The following COL11A2 variants were observed in gnomAD, a reference collection of about 807,000 sequenced individuals.
COL11A2 encodes the protein collagen alpha-2(XI) chain.
In COL11A2, 116 loss-of-function variants were observed where a neutral mutation model predicts 273.4. That is an observed-to-expected ratio of 0.42 (90% CI 0.36 to 0.49). COL11A2 has a LOEUF of 0.49. Among genes scored for constraint, COL11A2 ranks in the 20% least tolerant of loss-of-function variants. The pLI is 0.00. For synonymous variants in COL11A2, 782 were observed against 864.2 expected (o/e 0.90, Z 1.67); for missense variants, 1,866 against 2,309.0 (o/e 0.81, Z 3.93).
chr6:33,189,475 A>G lies in COL11A2; in HGVS notation c.83-6T>C. On this transcript the variant is annotated splice_polypyrimidine_tract_variant and splice_region_variant and intron_variant, in intron 1 of 65. Coordinates refer to ENST00000341947, the MANE Select transcript of COL11A2 (RefSeq NM_080680.3). The surrounding 1 kb of genome is among the most constrained non-coding windows in gnomAD (Gnocchi z 5.6). ...CACATCCACAGGGGGTGCACCTGGG[A>G]GAGTCCATGATTATCAGGAGAAGGG... 6.2e-7 allele frequency: 1 copy of G among 1,613,018 alleles called. No homozygotes were observed. The highest frequency in any genetic ancestry group is 1.1e-5 in the South Asian group (1 of 91,084).
chr6:33,170,298 T>C lies in COL11A2; in HGVS notation c.3582+28A>G. ...AGGCAGAAGACCAGACACATTGGTC[T>C]CAAGGGACAGGGGCTGAGATGACTC... On this transcript the variant is annotated intron_variant, in intron 48 of 65. Coordinates refer to ENST00000341947, the MANE Select transcript of COL11A2 (RefSeq NM_080680.3). This position sits in a 1 kb window ranked among gnomAD's most constrained non-coding sequence, Gnocchi z 4.3. 6.2e-7 allele frequency: 1 copy of C among 1,611,828 alleles called. No homozygotes were observed. The highest frequency in any genetic ancestry group is 8.5e-7 in the Non-Finnish European group (1 of 1,179,038).
chr6:33,182,295 T>C (rs1421193845), intron 8 of COL11A2, among the ~76,000 whole-genome samples: 1 of 152,182 alleles, frequency 6.6e-6, no homozygotes, highest in Non-Finnish European at 1.5e-5. Context: ...AAGAATCTGA[T>C]GAAAGCTGTG....
At chr6:33,171,691 T>C (rs1770088955) in intron 42 of COL11A2, 22 bp downstream of exon 42, 1 of 1,544,920 alleles carries the variant, frequency 6.5e-7, no homozygotes. Flanking sequence ...CCAGTACCCC[T>C]CCCCAATACC....
Position 33,171,807 on chromosome 6 carries a change from T to A in COL11A2, c.3056A>T (p.Glu1019Val). 6.2e-7 allele frequency: 1 copy of A among 1,612,772 alleles called. No homozygotes were observed. The highest frequency in any genetic ancestry group is 8.5e-7 in the Non-Finnish European group (1 of 1,179,928). ...GPPGPAGSPG[E>V]RGAAGSGGPI... The stretch of plus-strand genomic sequence containing the variant: ...TCCCCCTGATCCTGCTGCACCTCGT[T>A]CCCCAGGGGAGCCCTGAGAAAGCAG... The change falls in exon 42 of 66, where the codon GAA becomes GTA. Residue 1019 changes from glutamate (E) to valine (V), a missense_variant. Glu to Val is a moderately radical substitution (Grantham distance 121). Coordinates refer to ENST00000341947, the MANE Select transcript of COL11A2 (RefSeq NM_080680.3).
chr6:33,180,871 G>C (rs2855417), intron 10 of COL11A2, 93 bp downstream of exon 10: 3 of 1,570,292 alleles, frequency 1.9e-6, no homozygotes, highest in Non-Finnish European at 2.6e-6. Context: ...GAGTTCTGAG[G>C]AGGAGGCCTG....
intron 41 of COL11A2, 78 bp from the exon 42 acceptor site, chr6:33,171,898 C>T (rs1402675319): frequency 8.3e-6 from 13 of 1,560,210 alleles, no homozygotes; most frequent in Non-Finnish European, 1.1e-5. Flanking sequence ...CCACAATTCC[C>T]AAAAGCTCCC....
Position 33,166,821 on chromosome 6 carries a change from G to C in COL11A2, c.4237C>G (p.Pro1413Ala). Reference protein sequence around the residue: ...DAGAKGEKGHPGLIGLIGPPG... With the variant: ...DAGAKGEKGHAGLIGLIGPPG... ...GGCCCAATCAGTCCAATGAGACCTG[G>C]GTGGCCCTAGAGAAGGGTGCAGGCA... is the stretch of plus-strand genomic sequence containing the variant. The change falls in exon 59 of 66, where the codon CCA becomes GCA. Residue 1413 changes from proline to alanine, a missense_variant. Coordinates refer to ENST00000341947, the MANE Select transcript of COL11A2 (RefSeq NM_080680.3). The surrounding 1 kb of genome is among the most constrained non-coding windows in gnomAD (Gnocchi z 4.8). The C allele has an allele frequency of 6.2e-7, 1 of 1,613,422 alleles. No homozygotes were observed. The highest frequency in any genetic ancestry group is 8.5e-7 in the Non-Finnish European group (1 of 1,179,992).
At position 33,169,030 on chromosome 6, in the gene COL11A2, A is replaced by T; in HGVS notation, c.3799-22T>A. 6.3e-7 allele frequency: 1 copy of T among 1,599,112 alleles called. No homozygotes were observed. The highest frequency in any genetic ancestry group is 8.5e-7 in the Non-Finnish European group (1 of 1,172,868). On this transcript the variant is annotated intron_variant, in intron 51 of 65. Coordinates refer to ENST00000341947, the MANE Select transcript of COL11A2 (RefSeq NM_080680.3). This position sits in a 1 kb window ranked among gnomAD's most constrained non-coding sequence, Gnocchi z 5.5. ...GACCCTGATCCAGATGGAGAATAAG[A>T]GTCAGGGTCACAGCTCCCTAAGCCC...
rs748442759 is a variant in COL11A2 at position 33,165,701 on chromosome 6, G to A, written c.4598C>T (p.Ala1533Val). The change falls in exon 63 of 66, where the codon GCC becomes GTC. Residue 1533 changes from alanine (A) to valine (V), a missense_variant. Transcript: ENST00000341947. The surrounding 1 kb of genome is among the most constrained non-coding windows in gnomAD (Gnocchi z 7.7). Reference protein sequence around the residue: ...QEDEAIPTGGAPGSPGGLEEI... With the variant: ...QEDEAIPTGGVPGSPGGLEEI... ...CTCCAGCCCCCCAGGACTGCCGGGG[G>A]CTCCCCCGGTCGGTATGGCCTCATC... The A allele has an allele frequency of 6.2e-7, 1 of 1,611,036 alleles. No homozygotes were observed. The highest frequency in any genetic ancestry group is 1.7e-5 in the Admixed American group (1 of 60,024).
In COL11A2 at chr6:33,167,663, C is replaced by A; in HGVS notation, c.4015-130G>T. 1 of 1,458,948 alleles carries A rather than the reference C, an allele frequency of 6.9e-7. No homozygotes were observed. Among genetic ancestry groups the A allele is most frequent in the Non-Finnish European group, 9.5e-7 (1 of 1,054,412 alleles). The allele number at this position is 1,458,948 out of a possible 1,614,324, so 90.4% of individuals were successfully genotyped here. On this transcript the variant is annotated intron_variant, in intron 55 of 65. Transcript: ENST00000341947. This position sits in a 1 kb window ranked among gnomAD's most constrained non-coding sequence, Gnocchi z 6.1. ...ACTCTAGGAGCCCCTAGCGCAGGAA[C>A]AAGTACAGGGAACGCCTGTCCCCAT...
At position 33,190,320 on chromosome 6, in the gene COL11A2, C is replaced by G. The variant is rs1772963991; in HGVS notation, c.83-851G>C. Among the ~76,000 whole-genome samples, 1 of 152,106 alleles carries G rather than the reference C, an allele frequency of 6.6e-6. No individual in the cohort carries two copies. The highest frequency in any genetic ancestry group is 1.5e-5 in the Non-Finnish European group (1 of 68,002). ...TTGCCCAGAACCCAGGCAAGCTCCC[C>G]ACACCTGGAACCTCAATCCTGTCTC... On this transcript the variant is annotated intron_variant, in intron 1 of 65. Transcript: ENST00000341947. The surrounding 1 kb of genome is among the most constrained non-coding windows in gnomAD (Gnocchi z 4.5).
At chr6:33,193,474 C>G (rs1201557993), upstream of COL11A2, 1 of 149,144 alleles carries the variant, frequency 6.7e-6, no homozygotes, top group African/African-American at 2.5e-5. Context: ...GCGTGCACCT[C>G]TTGGGCCCCA....
At position 33,192,196 on chromosome 6, in the gene COL11A2, A is replaced by C. The variant is rs1222112257; in HGVS notation, c.45T>G (p.Pro15=). Residue 15 remains proline, a synonymous_variant, in exon 1 of 66, where the codon CCT becomes CCG. Coordinates refer to ENST00000341947, the MANE Select transcript of COL11A2 (RefSeq NM_080680.3). Reference sequence around the variant, plus strand: ...GGGCCGCGCTCAGCCCCAGCACCAGAGGTAGGAGGAGGAGGAGGCGATGGC... The same window carrying C: ...GGGCCGCGCTCAGCCCCAGCACCAGCGGTAGGAGGAGGAGGAGGCGATGGC... The part of the protein sequence containing the change: ...SRCHRLLLLL[P]LVLGLSAAPG... The C allele has an allele frequency of 6.4e-7, 1 of 1,566,390 alleles. No individual in the cohort carries two copies. Among genetic ancestry groups the C allele is most frequent in the African/African-American group, 1.3e-5 (1 of 74,132 alleles).
intron 52 of COL11A2, 30 bp from the exon 53 acceptor site, chr6:33,168,789 GC>G: frequency 1.3e-6 from 2 of 1,596,944 alleles, no homozygotes; most frequent in Non-Finnish European, 1.7e-6. Flanking sequence ...TCAGAGGTGG[GC>G]CCCCAACCTG....
chr6:33,175,885 A>C, intron 29 of COL11A2, 131 bp downstream of exon 29: 1 of 1,219,068 alleles, frequency 8.2e-7, no homozygotes, highest in Non-Finnish European at 1.2e-6. Flanking sequence ...TGTAGGGGTC[A>C]GGCTCCCAAG....
In COL11A2 at chr6:33,180,686, A is replaced by G. The variant is rs753900461; in HGVS notation, c.1266T>C (p.Val422=). 2 of 1,610,294 alleles carry G rather than the reference A, an allele frequency of 1.2e-6. No individual in the cohort carries two copies. Among genetic ancestry groups the G allele is most frequent in the Non-Finnish European group, 1.7e-6 (2 of 1,178,886 alleles). The change falls in exon 11 of 66, where the codon GTT becomes GTC. Residue 422 remains valine, a synonymous_variant. Transcript: ENST00000341947. Reference sequence around the variant, plus strand: ...CCCTTACCCTCTCTCCAGGGTCTCCAACTGGGCCTGGGTTCCCCTGGATGC... The same window carrying G: ...CCCTTACCCTCTCTCCAGGGTCTCCGACTGGGCCTGGGTTCCCCTGGATGC... ...PPGIQGNPGP[V]GDPGERGPPG...
chr6:33,175,897 G>T, intron 29 of COL11A2, 119 bp downstream of exon 29: 1 of 1,325,588 alleles, frequency 7.5e-7, no homozygotes, highest in Non-Finnish European at 1.1e-6. Context: ...GCTCCCAAGG[G>T]AACACAGCAC....
At chr6:33,175,533 C>T (rs760693465) in intron 30 of COL11A2, 41 bp downstream of exon 30, 5 of 1,573,758 alleles carry the variant, frequency 3.2e-6, no homozygotes, top group African/African-American at 2.7e-5. Flanking sequence ...CCAGTGCCCA[C>T]ACCCCCAGAG....
Position 33,189,338 on chromosome 6 carries a change from T to C in COL11A2, c.214A>G (p.Thr72Ala). The C allele has an allele frequency of 6.2e-7, 1 of 1,613,376 alleles. No individual in the cohort carries two copies. Among genetic ancestry groups the C allele is most frequent in the South Asian group, 1.1e-5 (1 of 91,080 alleles). Residue 72 changes from threonine (T) to alanine (A), a missense_variant, in exon 2 of 66, where the codon ACT becomes GCT. Coordinates refer to ENST00000341947, the MANE Select transcript of COL11A2 (RefSeq NM_080680.3). The surrounding 1 kb of genome is among the most constrained non-coding windows in gnomAD (Gnocchi z 5.6). ...VARPAQLSAP[T>A]RQLFPGGFPK... is the part of the protein sequence containing the mutation. ...CCCATACCTGGGAAAAGCTGGCGAG[T>C]GGGTGCACTGAGCTGGGCAGGTCGT...
Sources: allele counts gnomAD v4.1 joint callset (sites outside exome capture counted in the v4.1 genomes callset), GRCh38; gene constraint gnomAD v4.1.1; non-coding constraint Gnocchi (gnomAD v3.1); transcripts MANE v1.5; gene names NCBI Gene and HGNC (gene_info 2026-07-23, HGNC 2026-07-21).